ATR: variants seen among roughly 807,000 people sequenced by gnomAD.
ATR encodes serine/threonine-protein kinase ATR.
ATR carries 142 observed loss-of-function variants against 305.3 expected under a neutral mutation model. The ratio of observed to expected loss-of-function variants is 0.47; its 90% CI spans 0.41 to 0.53. The LOEUF (loss-of-function observed/expected upper bound fraction) is 0.53. ATR is among the 20% of genes least tolerant of loss of function. The probability of loss-of-function intolerance (pLI) is 0.00; values close to 1 mark genes in which losing one functional copy is unlikely to be tolerated. For missense variants in ATR, 2,135 were observed against 3,133.1 expected (o/e 0.68, Z 7.60); for synonymous variants, 1,050 against 1,068.1 (o/e 0.98, Z 0.33).
At chr3:142,480,325 G>C (rs959163609) in intron 36 of ATR, among the ~76,000 whole-genome samples, 2 of 152,184 alleles carry the variant, frequency 1.3e-5, no homozygotes, top group Non-Finnish European at 2.9e-5. Context: ...CTCAGCTACA[G>C]GTCTGTTGGA....
chr3:142,463,400 TTTG>T (rs1010524711), intron 41 of ATR, among the ~76,000 whole-genome samples: 1 of 152,146 alleles, frequency 6.6e-6, no homozygotes, highest in Non-Finnish European at 1.5e-5. Flanking sequence ...ACAATACTTT[TTTG>T]TTGTTGTTGT....
chr3:142,515,857 T>C (rs538514699), intron 24 of ATR, among the ~76,000 whole-genome samples: 36 of 152,320 alleles, frequency 2.4e-4, no homozygotes, highest in African/African-American at 8.4e-4. Context: ...ACCAAACTCA[T>C]TGATAACTTT....
Position 142,521,777 on chromosome 3 carries a change from G to C in ATR, c.4266+951C>G, listed in dbSNP as rs115277934. ...TCATGATAAAACCTGAATGGACGAGGAGTTGCTTTTTATAAGCAAAGAAAG... is the reference window on the plus strand; with the variant it reads ...TCATGATAAAACCTGAATGGACGAGCAGTTGCTTTTTATAAGCAAAGAAAG... On this transcript the variant is annotated intron_variant, in intron 23 of 46. Transcript: ENST00000350721. Among the ~76,000 whole-genome samples, 1,351 of 152,302 alleles carry C rather than the reference G, an allele frequency of 8.9e-3. 21 individuals carry two copies. The highest frequency in any genetic ancestry group is 0.031 in the African/African-American group (1,278 of 41,552).
intron 18 of ATR, among the ~76,000 whole-genome samples, chr3:142,539,038 G>A (rs1447443497): frequency 6.6e-6 from 1 of 152,116 alleles, no homozygotes; most frequent in Non-Finnish European, 1.5e-5. Flanking sequence ...AAATAAAATA[G>A]AGGGAAAAAG....
chr3:142,499,807 A>G (rs1477614191), intron 30 of ATR, 89 bp from the exon 31 acceptor site: 1 of 1,030,976 alleles, frequency 9.7e-7, no homozygotes, highest in East Asian at 2.6e-5. Flanking sequence ...TCTATTTATT[A>G]TATTTATTGA....
chr3:142,481,316 G>GT (rs2030460548), intron 36 of ATR, among the ~76,000 whole-genome samples: 1 of 152,184 alleles, frequency 6.6e-6, no homozygotes, highest in African/African-American at 2.4e-5. Context: ...TGATCATATG[G>GT]TTTTTGTCCT....
chr3:142,529,479 C>G (rs763763585), intron 21 of ATR, among the ~76,000 whole-genome samples: 35 of 151,958 alleles, frequency 2.3e-4, no homozygotes, highest in Non-Finnish European at 4.1e-4. Flanking sequence ...CCACACTTGC[C>G]CTATTGTTGT....
intron 27 of ATR, among the ~76,000 whole-genome samples, chr3:142,509,864 C>G (rs570512250): frequency 6.6e-6 from 1 of 152,068 alleles, no homozygotes; most frequent in Admixed American, 6.5e-5. Flanking sequence ...GTCTGTAATC[C>G]CAGCACTCTG....
intron 16 of ATR, 40 bp downstream of exon 16, chr3:142,547,685 G>GA (rs778863168): frequency 6.3e-7 from 1 of 1,594,276 alleles, no homozygotes; most frequent in South Asian, 1.1e-5. Flanking sequence ...GCAAAAGGAA[G>GA]AAAAACAAAC....
intron 27 of ATR, among the ~76,000 whole-genome samples, chr3:142,510,277 C>A (rs2032486509): frequency 6.6e-6 from 1 of 151,972 alleles, no homozygotes; most frequent in African/African-American, 2.4e-5. Flanking sequence ...AGATGGACTG[C>A]TTGAGCCCAG....
intron 36 of ATR, among the ~76,000 whole-genome samples, chr3:142,473,468 C>T (rs189785437): frequency 4.2e-4 from 64 of 151,926 alleles, no homozygotes; most frequent in Middle Eastern, 3.4e-3. Flanking sequence ...CATTTTAATA[C>T]TAATGTCATA....
chr3:142,512,974 A>T (rs998543941), intron 26 of ATR, among the ~76,000 whole-genome samples: 5 of 152,220 alleles, frequency 3.3e-5, no homozygotes, highest in African/African-American at 9.6e-5. Flanking sequence ...AGAAAATTTT[A>T]AAAATTTTAA....
At chr3:142,474,402 ATTTCT>A (rs1466168133) in intron 36 of ATR, among the ~76,000 whole-genome samples, 1 of 152,016 alleles carries the variant, frequency 6.6e-6, no homozygotes, top group Non-Finnish European at 1.5e-5. Flanking sequence ...GTCTTCTTCA[ATTTCT>A]TTTCATCAAT....
At chr3:142,572,696 G>T (rs2035314470) in intron 1 of ATR, among the ~76,000 whole-genome samples, 3 of 151,928 alleles carry the variant, frequency 2.0e-5, no homozygotes, top group Admixed American at 2.0e-4. Context: ...GATCGCTTGA[G>T]CCTGGGAGGC....
intron 13 of ATR, among the ~76,000 whole-genome samples, chr3:142,552,959 G>A: frequency 6.6e-6 from 1 of 151,816 alleles, no homozygotes; most frequent in African/African-American, 2.4e-5. Flanking sequence ...GCCTGTAAGG[G>A]GGGTGGGGGA....
intron 41 of ATR, among the ~76,000 whole-genome samples, chr3:142,464,273 G>T (rs777166923): frequency 9.9e-5 from 15 of 151,980 alleles, no homozygotes; most frequent in Non-Finnish European, 1.9e-4. Context: ...CTACAGGCAT[G>T]TGCCACCATG....
At chr3:142,557,314 T>G (rs1174789186) in intron 8 of ATR, among the ~76,000 whole-genome samples, 1 of 152,162 alleles carries the variant, frequency 6.6e-6, no homozygotes, top group African/African-American at 2.4e-5. Context: ...TTTATAAAAA[T>G]ATTCATTTAA....
intron 17 of ATR, among the ~76,000 whole-genome samples, chr3:142,541,840 T>G (rs1185826991): frequency 6.6e-6 from 1 of 151,986 alleles, no homozygotes; most frequent in East Asian, 1.9e-4. Context: ...TTTGCAAAAT[T>G]TAATATGGTA....
chr3:142,481,812 A>C (rs1355576560), intron 36 of ATR, among the ~76,000 whole-genome samples: 1 of 150,912 alleles, frequency 6.6e-6, no homozygotes, highest in Non-Finnish European at 1.5e-5. Context: ...TACTACATTT[A>C]TTTTGATTTA....
Sources: gnomAD v4.1 joint callset for allele counts (sites outside exome capture counted in the v4.1 genomes callset) on GRCh38, gnomAD v4.1.1 for gene constraint, MANE v1.5 for transcripts, NCBI Gene and HGNC (gene_info 2026-07-23, HGNC 2026-07-21) for gene names.